The following PCDH15 variants were observed in gnomAD, a reference collection of about 807,000 sequenced individuals.
The protein encoded by PCDH15 is protocadherin-15.
Under a neutral mutation model 178.5 loss-of-function variants are expected in PCDH15, and 129 were observed. That is an observed-to-expected ratio of 0.72 (90% CI 0.63 to 0.84). The LOEUF is 0.84. Ranked by LOEUF, PCDH15 falls within the 40% of genes least tolerant of loss-of-function variation. PCDH15 has a pLI of 0.00. For missense variants in PCDH15, 2,230 were observed against 2,099.9 expected (o/e 1.06, Z -1.21); for synonymous variants, 800 against 732.0 (o/e 1.09, Z -1.50).
intron 2 of PCDH15, among the ~76,000 whole-genome samples, chr10:54,989,200 C>G (rs1254664226): frequency 6.6e-6 from 1 of 152,196 alleles, no homozygotes; most frequent in Non-Finnish European, 1.5e-5. Context: ...GATGCCCAGG[C>G]AGAAGTTTGC....
At chr10:54,310,476 G>A (rs1353266618) in intron 8 of PCDH15, among the ~76,000 whole-genome samples, 1 of 151,912 alleles carries the variant, frequency 6.6e-6, no homozygotes, top group Admixed American at 6.6e-5. Context: ...AGTTTGGAAC[G>A]GAGGTCATTG....
chr10:55,572,243 T>C (rs1842419479), intron 2 of PCDH15, among the ~76,000 whole-genome samples: 1 of 151,720 alleles, frequency 6.6e-6, no homozygotes, highest in Non-Finnish European at 1.5e-5. Flanking sequence ...GTAATATTCA[T>C]AAAAGGACTG....
chr10:54,869,741 A>T (rs1954002132), intron 3 of PCDH15, among the ~76,000 whole-genome samples: 1 of 152,204 alleles, frequency 6.6e-6, no homozygotes, highest in African/African-American at 2.4e-5. Flanking sequence ...TCAAAAGATA[A>T]TGACTCTACA....
At chr10:53,837,789 A>G (rs2077394636) in intron 29 of PCDH15, among the ~76,000 whole-genome samples, 1 of 152,020 alleles carries the variant, frequency 6.6e-6, no homozygotes, top group African/African-American at 2.4e-5. Context: ...ATACACATGT[A>G]TATGTATGTG....
chr10:54,716,892 G>C (rs1420238557), intron 1 of PCDH15, among the ~76,000 whole-genome samples: 1 of 147,438 alleles, frequency 6.8e-6, no homozygotes, highest in East Asian at 2.0e-4. Context: ...AAACAGCATG[G>C]TACTGGTACC....
chr10:55,194,376 G>A (rs756411265), intron 1 of PCDH15, among the ~76,000 whole-genome samples: 43 of 151,996 alleles, frequency 2.8e-4, no homozygotes, highest in Non-Finnish European at 4.7e-4. Context: ...AGTAGTTAAC[G>A]TAATAAATTC....
In PCDH15 at chr10:55,222,710, T is replaced by TACACACACACACACAC. The variant is rs374141989; in HGVS notation, c.-155-56075_-155-56060dup. On this transcript the variant is annotated intron_variant, in intron 1 of 5. Coordinates refer to the PCDH15 transcript ENST00000458638. ...AAGTAATGATAATTTTATATCTTTATACACACACACACACACACACATATA... is the reference window on the plus strand; with the variant it reads ...AAGTAATGATAATTTTATATCTTTATACACACACACACACACACACACACACACACACACACATATA... Among the ~76,000 whole-genome samples the TACACACACACACACAC allele has an allele frequency of 1.3e-3, 53 of 42,144 alleles. 1 individual carries two copies. Among genetic ancestry groups the TACACACACACACACAC allele is most frequent in the African/African-American group, 3.8e-3 (45 of 11,894 alleles). 27.6% of individuals were successfully genotyped at this position (42,144 alleles called of 152,430 possible). A position where few individuals can be genotyped will look rare whatever the true frequency, so the allele number is the denominator to read the frequency against.
chr10:54,074,051 A>G (rs1483955090), intron 17 of PCDH15, among the ~76,000 whole-genome samples: 1 of 152,184 alleles, frequency 6.6e-6, no homozygotes. Context: ...TCTGGTATAG[A>G]GAATTGACGT....
intron 1 of PCDH15, among the ~76,000 whole-genome samples, chr10:55,185,856 C>G (rs527345759): frequency 6.6e-6 from 1 of 151,474 alleles, no homozygotes; most frequent in Non-Finnish European, 1.5e-5. Context: ...AAGAACAGTA[C>G]CTGTAAAACT....
At chr10:55,155,169 AATG>A (rs1359180743) in intron 2 of PCDH15, among the ~76,000 whole-genome samples, 3 of 152,130 alleles carry the variant, frequency 2.0e-5, no homozygotes, top group Non-Finnish European at 4.4e-5. Context: ...TGAATGATAA[AATG>A]ATAAGTAAGT....
chr10:55,548,212 A>ACG (rs1306228641), intron 2 of PCDH15, among the ~76,000 whole-genome samples: 3 of 27,570 alleles, frequency 1.1e-4, no homozygotes, highest in African/African-American at 3.5e-4. Flanking sequence ...TGCCTAATGC[A>ACG]CACACACACA....
chr10:54,411,981 T>C (rs914848818), intron 3 of PCDH15, among the ~76,000 whole-genome samples: 5 of 152,184 alleles, frequency 3.3e-5, no homozygotes, highest in African/African-American at 1.2e-4. Flanking sequence ...TTTGGGGCTA[T>C]GTCCGTAGTT....
intron 20 of PCDH15, among the ~76,000 whole-genome samples, chr10:53,998,447 CTA>C (rs1436105905): frequency 1.3e-5 from 2 of 151,862 alleles, no homozygotes; most frequent in Non-Finnish European, 2.9e-5. Flanking sequence ...CAGGAGAAAA[CTA>C]TGTTTTATTT....
intron 3 of PCDH15, among the ~76,000 whole-genome samples, chr10:54,517,762 T>G (rs1295238118): frequency 1.3e-5 from 2 of 152,138 alleles, no homozygotes; most frequent in East Asian, 3.9e-4. Flanking sequence ...ATATACATTT[T>G]TTTCAGCACC....
chr10:54,896,586 G>T (rs1329959127), intron 3 of PCDH15, among the ~76,000 whole-genome samples: 1 of 143,158 alleles, frequency 7.0e-6, no homozygotes, highest in African/African-American at 2.5e-5. Context: ...ATGCCAATAA[G>T]ATGTTTTTTT....
At chr10:54,583,608 T>C (rs750539183) in intron 2 of PCDH15, among the ~76,000 whole-genome samples, 1 of 152,090 alleles carries the variant, frequency 6.6e-6, no homozygotes, top group Non-Finnish European at 1.5e-5. Flanking sequence ...ATAGAAATTC[T>C]AACATACAAG....
chr10:53,911,150 G>A (rs2083059081), intron 25 of PCDH15, among the ~76,000 whole-genome samples: 1 of 151,902 alleles, frequency 6.6e-6, no homozygotes, highest in Non-Finnish European at 1.5e-5. Context: ...TACAAATTCA[G>A]GAAAAACAGA....
chr10:55,009,079 C>T (rs1407127565), intron 2 of PCDH15, among the ~76,000 whole-genome samples: 2 of 152,084 alleles, frequency 1.3e-5, no homozygotes, highest in East Asian at 1.9e-4. Flanking sequence ...CACAAACACC[C>T]ACTCAGAACT....
In PCDH15 at chr10:55,005,452, T is replaced by C. The variant is rs891693596; in HGVS notation, c.-79-107952A>G. 2.0e-5 allele frequency among the ~76,000 whole-genome samples: 3 copies of C among 152,170 alleles called. No individual in the cohort carries two copies. The East Asian group carries it at 5.8e-4, about 29-fold the overall frequency. On this transcript the variant is annotated intron_variant, in intron 2 of 5. Coordinates refer to the PCDH15 transcript ENST00000458638. ...TAAGAAATTTTTAATCTCAATTTTA[T>C]GTTTATCAAGATATTCATTCCAAGT... is the stretch of plus-strand genomic sequence containing the variant.
Sources: allele counts gnomAD v4.1 joint callset (sites outside exome capture counted in the v4.1 genomes callset), GRCh38; gene constraint gnomAD v4.1.1; transcripts MANE v1.5; gene names NCBI Gene and HGNC (gene_info 2026-07-23, HGNC 2026-07-21).